Variants in ANKH observed in about 807,000 individuals in gnomAD.
ANKH encodes ANKH inorganic pyrophosphate transport regulator.
A neutral mutation model predicts 49.0 loss-of-function variants in ANKH; 15 were observed. The ratio of observed to expected loss-of-function variants is 0.31; its 90% CI spans 0.20 to 0.47. The LOEUF (loss-of-function observed/expected upper bound fraction) is 0.47, where lower values mean the gene tolerates loss of function less well. Ranked by LOEUF, ANKH falls within the 20% of genes least tolerant of loss-of-function variation. The pLI, the probability that ANKH is intolerant of heterozygous loss-of-function variation, is 1.00. For synonymous variants in ANKH, 273 were observed against 260.0 expected (o/e 1.05, Z -0.48); for missense variants, 429 against 652.0 (o/e 0.66, Z 3.72).
rs560428156 is a variant in ANKH at position 14,715,990 on chromosome 5, C to T, written c.1141+716G>A. On this transcript the variant is annotated intron_variant, in intron 9 of 11. Transcript: ENST00000284268. Reference sequence around the variant, plus strand: ...TATATCTCCAGGCTTTAGCAATACGCTCACTCTATTTTTCTTTTTTTGATT... The same window carrying T: ...TATATCTCCAGGCTTTAGCAATACGTTCACTCTATTTTTCTTTTTTTGATT... 2.6e-5 allele frequency among the ~76,000 whole-genome samples: 4 copies of T among 152,312 alleles called. No individual in the cohort carries two copies. The East Asian group carries it at 5.8e-4, about 22-fold the overall frequency.
intron 1 of ANKH, among the ~76,000 whole-genome samples, chr5:14,803,418 T>C (rs1303752705): frequency 6.6e-6 from 1 of 152,132 alleles, no homozygotes; most frequent in Admixed American, 6.5e-5. Flanking sequence ...TAGCTGGGAC[T>C]ACAGGCACGC....
intron 1 of ANKH, among the ~76,000 whole-genome samples, chr5:14,780,630 G>A (rs1251982001): frequency 6.6e-6 from 1 of 152,242 alleles, no homozygotes; most frequent in Non-Finnish European, 1.5e-5. Flanking sequence ...GTTGAAAGCT[G>A]ATACTGTTCC....
intron 1 of ANKH, among the ~76,000 whole-genome samples, chr5:14,846,358 A>G (rs6893519): frequency 0.11 from 17,183 of 152,188 alleles, 1,510 homozygotes; most frequent in East Asian, 0.44. Flanking sequence ...GCTATTCCTC[A>G]TTATAGAGCA....
rs925103802 is a variant in ANKH at position 14,801,613 on chromosome 5, T to G, written c.97-32422A>C. Among the ~76,000 whole-genome samples the G allele has an allele frequency of 3.9e-5, 6 of 152,366 alleles. No individual in the cohort carries two copies. In the Middle Eastern group the frequency reaches 0.01, roughly 259 times the overall value. ...ACAGAACTTAACAAATGTTTTTGCCTACAGAACCTTGCTTTTGAGGTTCAT... is the reference window on the plus strand; with the variant it reads ...ACAGAACTTAACAAATGTTTTTGCCGACAGAACCTTGCTTTTGAGGTTCAT... On this transcript the variant is annotated intron_variant, in intron 1 of 11. Transcript: ENST00000284268.
chr5:14,724,011 G>A (rs183485224), intron 8 of ANKH, among the ~76,000 whole-genome samples: 1 of 152,264 alleles, frequency 6.6e-6, no homozygotes, highest in Non-Finnish European at 1.5e-5. Flanking sequence ...TGATGACTCA[G>A]ATCAATGAGT....
chr5:14,801,381 G>A (rs543363935), intron 1 of ANKH, among the ~76,000 whole-genome samples: 70 of 152,254 alleles, frequency 4.6e-4, no homozygotes, highest in Non-Finnish European at 7.5e-4. Flanking sequence ...TGTAGGTTTG[G>A]AAATGGACAA....
At chr5:14,798,467 G>A (rs945472670) in intron 1 of ANKH, 152 of 1,298,922 alleles carry the variant, frequency 1.2e-4, no homozygotes, top group Admixed American at 1.7e-4. Flanking sequence ...GGCTGCAGGC[G>A]TTCGCTCTGC....
At chr5:14,846,332 G>A (rs541776254) in intron 1 of ANKH, among the ~76,000 whole-genome samples, 41 of 152,082 alleles carry the variant, frequency 2.7e-4, no homozygotes, top group African/African-American at 7.7e-4. Flanking sequence ...TTAATTTTCC[G>A]TACAGGCAAT....
At position 14,710,499 on chromosome 5, in the gene ANKH, A is replaced by T. The variant is rs1272862228; in HGVS notation, c.*698T>A. 6.5e-6 allele frequency: 1 copy of T among 153,890 alleles called. No individual in the cohort carries two copies. The highest frequency in any genetic ancestry group is 6.4e-5 in the Admixed American group (1 of 15,594). The allele number at this position is 153,890 out of a possible 1,614,324, so 9.5% of individuals were successfully genotyped here. ...CTAGGAGAACGCAGAGTGAAATGCT[A>T]TCATTCAACCATGTCAGTTTGCTGC... On this transcript the variant is annotated 3_prime_UTR_variant, in exon 12 of 12. Coordinates refer to ENST00000284268, the MANE Select transcript of ANKH (RefSeq NM_054027.6).
chr5:14,833,533 A>G (rs1388255843), intron 1 of ANKH, among the ~76,000 whole-genome samples: 1 of 152,200 alleles, frequency 6.6e-6, no homozygotes, highest in East Asian at 1.9e-4. Flanking sequence ...GTCTGGGTAT[A>G]TGGTCCAGGG....
At chr5:14,758,111 C>G (rs1738959052) in intron 3 of ANKH, among the ~76,000 whole-genome samples, 2 of 152,234 alleles carry the variant, frequency 1.3e-5, no homozygotes, top group South Asian at 4.1e-4. Context: ...GAAGGAAATT[C>G]TGACACCTGC....
intron 1 of ANKH, among the ~76,000 whole-genome samples, chr5:14,865,407 T>G (rs185699795): frequency 4.5e-4 from 68 of 152,304 alleles, no homozygotes; most frequent in Non-Finnish European, 6.3e-4. Context: ...TTAGCTGATA[T>G]TACTTCTATT....
chr5:14,820,719 A>G (rs1741174218), intron 1 of ANKH, among the ~76,000 whole-genome samples: 1 of 152,244 alleles, frequency 6.6e-6, no homozygotes, highest in Non-Finnish European at 1.5e-5. Context: ...GGAGAGGCAC[A>G]GAAGGTTAAG....
intron 9 of ANKH, among the ~76,000 whole-genome samples, chr5:14,716,268 G>A (rs1580001694): frequency 6.6e-6 from 1 of 152,184 alleles, no homozygotes; most frequent in South Asian, 2.1e-4. Flanking sequence ...TTGCCGAGGA[G>A]GAGCACTTGA....
chr5:14,758,351 A>G (rs1049379948), intron 3 of ANKH, 129 bp downstream of exon 3: 1 of 751,080 alleles, frequency 1.3e-6, no homozygotes, highest in South Asian at 1.5e-5. Flanking sequence ...TGGTTACACA[A>G]TAATGTGAAT....
At position 14,871,141 on chromosome 5, in the gene ANKH, C is replaced by G. The variant is rs914970085; in HGVS notation, c.96+211G>C. 3.7e-5 allele frequency: 25 copies of G among 671,786 alleles called. No homozygotes were observed. The African/African-American group carries it at 3.9e-4, about 10-fold the overall frequency. 41.6% of individuals were successfully genotyped at this position (671,786 alleles called of 1,614,324 possible). Reference sequence around the variant, plus strand: ...CACCATCCAGTCTTTTTAACATTTTCCAGAGAGGGCTGGAAAAGTCTGCTG... The same window carrying G: ...CACCATCCAGTCTTTTTAACATTTTGCAGAGAGGGCTGGAAAAGTCTGCTG... On this transcript the variant is annotated intron_variant, in intron 1 of 11. Coordinates refer to ENST00000284268, the MANE Select transcript of ANKH (RefSeq NM_054027.6).
intron 1 of ANKH, among the ~76,000 whole-genome samples, chr5:14,845,292 C>G (rs1029417415): frequency 2.6e-5 from 4 of 151,700 alleles, no homozygotes; most frequent in African/African-American, 9.7e-5. Context: ...CTGAAACCAC[C>G]ATGCTGAGAT....
intron 1 of ANKH, among the ~76,000 whole-genome samples, chr5:14,817,216 T>C (rs957612988): frequency 1.3e-5 from 2 of 152,178 alleles, no homozygotes; most frequent in African/African-American, 4.8e-5. Context: ...GTGGTGCATT[T>C]TGGCAGCCCT....
chr5:14,767,503 T>G (rs958903668), intron 2 of ANKH, among the ~76,000 whole-genome samples: 1 of 152,210 alleles, frequency 6.6e-6, no homozygotes, highest in Non-Finnish European at 1.5e-5. Flanking sequence ...TTTAAAATTT[T>G]ATAATTCTAT....
Sources: allele counts gnomAD v4.1 joint callset (sites outside exome capture counted in the v4.1 genomes callset), GRCh38; gene constraint gnomAD v4.1.1; transcripts MANE v1.5; gene names NCBI Gene and HGNC (gene_info 2026-07-23, HGNC 2026-07-21).